Variants in AAK1 observed in about 807,000 individuals in gnomAD.
The protein encoded by AAK1 is AP2-associated protein kinase 1.
Under a neutral mutation model 116.0 loss-of-function variants are expected in AAK1, and 37 were observed. That is an observed-to-expected ratio of 0.32 (90% CI 0.25 to 0.42). AAK1 has a LOEUF of 0.42. AAK1 is among the 10% of genes least tolerant of loss of function. The pLI, the probability that AAK1 is intolerant of heterozygous loss-of-function variation, is 1.00. For missense variants in AAK1, 919 were observed against 1,170.6 expected, an observed-to-expected ratio of 0.79 and a Z score of 3.14; for synonymous variants, 458 against 439.9, an observed-to-expected ratio of 1.04 and a Z score of -0.51.
intron 3 of AAK1, among the ~76,000 whole-genome samples, chr2:69,548,949 C>T (rs1025347814): frequency 5.3e-5 from 8 of 152,158 alleles, no homozygotes; most frequent in Admixed American, 5.2e-4. Flanking sequence ...GGCCCTCAGC[C>T]AATCTACAGA....
chr2:69,476,049 C>G, intron 21 of AAK1, 86 bp from the exon 22 acceptor site: 2 of 1,461,282 alleles, frequency 1.4e-6, no homozygotes, highest in Non-Finnish European at 1.8e-6. Flanking sequence ...AAAAACCAAA[C>G]CAAAACCAAA....
In AAK1 at chr2:69,469,282, A is replaced by C. The variant is rs1279554375; in HGVS notation, c.*6587T>G. The C allele has an allele frequency of 1.0e-6, 1 of 985,318 alleles. No homozygotes were observed. Among genetic ancestry groups the C allele is most frequent in the Admixed American group, 6.2e-5 (1 of 16,254 alleles). 61.0% of individuals were successfully genotyped at this position (985,318 alleles called of 1,614,324 possible). ...GAAGCCCAGACCTCCACATTCCCTT[A>C]AGGAATTCTGGTGGTGGCAGCACCA... On this transcript the variant is annotated 3_prime_UTR_variant, in exon 22 of 22. Coordinates refer to ENST00000409085, the MANE Select transcript of AAK1 (RefSeq NM_014911.5).
intron 2 of AAK1, among the ~76,000 whole-genome samples, chr2:69,574,676 C>A (rs1394518326): frequency 2.0e-5 from 3 of 151,926 alleles, no homozygotes; most frequent in Non-Finnish European, 4.4e-5. Flanking sequence ...AAATATTGAA[C>A]ATTAAATGTA....
rs1670208410 is a variant in AAK1, at chr2:69,530,505, G to A, written c.738+120C>T. 10 of 750,930 alleles carry A rather than the reference G, an allele frequency of 1.3e-5. No homozygotes were observed. In the South Asian group the frequency reaches 2.0e-4, roughly 15 times the overall value. The allele number at this position is 750,930 out of a possible 1,614,324, so 46.5% of individuals were successfully genotyped here. On this transcript the variant is annotated intron_variant, in intron 7 of 21. Coordinates refer to ENST00000409085, the MANE Select transcript of AAK1 (RefSeq NM_014911.5). ...CTCACATCAAGAATAACCTTGAGGG[G>A]TAAGTAGACCATGATATGGTACAGT...
At chr2:69,481,136 A>T (rs1225227775) in intron 18 of AAK1, 175 bp from the exon 19 acceptor site, 3 of 522,974 alleles carry the variant, frequency 5.7e-6, no homozygotes, top group East Asian at 3.5e-5. Context: ...TCCTGTGGTT[A>T]CAAGTGTGAG....
At position 69,466,615 on chromosome 2, in the gene AAK1, T is replaced by C. The variant is rs57171084; in HGVS notation, c.*9254A>G. ...ATTCAACTCTATTTGGAACATTTAATGGTCAACCCGCGGCAAAAACATTGT... is the reference window on the plus strand; with the variant it reads ...ATTCAACTCTATTTGGAACATTTAACGGTCAACCCGCGGCAAAAACATTGT... On this transcript the variant is annotated 3_prime_UTR_variant, in exon 22 of 22. Transcript: ENST00000409085. The C allele has an allele frequency of 0.17, 187,067 of 1,099,494 alleles. 16,541 individuals are homozygous for C. Among genetic ancestry groups the C allele is most frequent in the Non-Finnish European group, 0.18 (160,892 of 894,226 alleles). The allele number at this position is 1,099,494 out of a possible 1,614,324, so 68.1% of individuals were successfully genotyped here. A position where few individuals can be genotyped will look rare whatever the true frequency, so the allele number is the denominator to read the frequency against.
intron 5 of AAK1, among the ~76,000 whole-genome samples, chr2:69,541,728 C>G (rs1402142638): frequency 6.6e-6 from 1 of 152,014 alleles, no homozygotes; most frequent in East Asian, 1.9e-4. Flanking sequence ...AATTTTGGCC[C>G]AAGAGATTCA....
At chr2:69,569,250 A>G (rs1288696034) in intron 2 of AAK1, among the ~76,000 whole-genome samples, 2 of 152,184 alleles carry the variant, frequency 1.3e-5, no homozygotes, top group Non-Finnish European at 2.9e-5. Context: ...TCAAACATAC[A>G]GTAAAGTTGA....
intron 3 of AAK1, among the ~76,000 whole-genome samples, chr2:69,553,171 T>C (rs1251581539): frequency 1.3e-5 from 2 of 151,980 alleles, no homozygotes; most frequent in African/African-American, 4.8e-5. Context: ...ACATAATAAA[T>C]AAATGCATAC....
chr2:69,501,720 C>T (rs2871962), intron 16 of AAK1, among the ~76,000 whole-genome samples: 27,962 of 152,164 alleles, frequency 0.18, 2,960 homozygotes, highest in African/African-American at 0.27. Flanking sequence ...CCTGTAATCC[C>T]AGCATTTGGG....
At chr2:69,551,214 G>A (rs529757223) in intron 3 of AAK1, among the ~76,000 whole-genome samples, 3 of 152,186 alleles carry the variant, frequency 2.0e-5, no homozygotes, top group South Asian at 2.1e-4. Flanking sequence ...GACACATAGC[G>A]GGTAACGACA....
At chr2:69,492,670 A>G (rs1382918033) in intron 17 of AAK1, among the ~76,000 whole-genome samples, 1 of 150,962 alleles carries the variant, frequency 6.6e-6, no homozygotes, top group Non-Finnish European at 1.5e-5. Context: ...GTACAGGCGC[A>G]TGCCACCACG....
At chr2:69,574,355 G>A (rs991796733) in intron 2 of AAK1, among the ~76,000 whole-genome samples, 1 of 144,752 alleles carries the variant, frequency 6.9e-6, no homozygotes, top group Non-Finnish European at 1.5e-5. Flanking sequence ...TTCAGACTAG[G>A]TGACAGAGTA....
At chr2:69,544,095 G>C (rs545235041) in intron 4 of AAK1, 3 of 204,290 alleles carry the variant, frequency 1.5e-5, no homozygotes, top group African/African-American at 4.6e-5. Context: ...AAGCTGCACT[G>C]TTTCTTTCAT....
intron 10 of AAK1, among the ~76,000 whole-genome samples, chr2:69,522,688 C>T (rs1162387071): frequency 4.6e-5 from 7 of 151,994 alleles, no homozygotes; most frequent in Non-Finnish European, 1.5e-5. Flanking sequence ...CCTGTAGTCC[C>T]AGCTACTCGG....
Position 69,507,640 on chromosome 2 carries a change from T to TCAA in AAK1, c.2007-65_2007-63dup, listed in dbSNP as rs1425341712. 2.9e-6 allele frequency: 4 copies of TCAA among 1,395,178 alleles called. No individual in the cohort carries two copies. In the African/African-American group the frequency reaches 5.8e-5, roughly 20 times the overall value. 86.4% of individuals were successfully genotyped at this position (1,395,178 alleles called of 1,614,324 possible). A position where few individuals can be genotyped will look rare whatever the true frequency, so the allele number is the denominator to read the frequency against. The stretch of plus-strand genomic sequence containing the variant: ...TAAAAGTTGAACAAAACAAAAAGGG[T>TCAA]CAACTTATTTTCTCTGTTTCAGAAT... On this transcript the variant is annotated intron_variant, in intron 14 of 21. Transcript: ENST00000409085.
At position 69,641,477 on chromosome 2, in the gene AAK1, C is replaced by G. The variant is rs550687635; in HGVS notation, c.163+1401G>C. On this transcript the variant is annotated intron_variant, in intron 2 of 21. Coordinates refer to ENST00000409085, the MANE Select transcript of AAK1 (RefSeq NM_014911.5). ...ATCCAAGGGGACAGTGACTCTGGCC[C>G]CAGATAAAGCGCAGCTAGAACAGTA... Among the ~76,000 whole-genome samples, 213 of 152,272 alleles carry G rather than the reference C, an allele frequency of 1.4e-3. 1 individual carries two copies. The highest frequency in any genetic ancestry group is 4.9e-3 in the African/African-American group (204 of 41,532).
chr2:69,643,613 C>T lies in AAK1; in HGVS notation c.-273G>A. On this transcript the variant is annotated 5_prime_UTR_variant, in exon 1 of 22. Transcript: ENST00000409085. ...GCGGCCGGCGCCCTGCTACCAGCCC[C>T]GCGACATTGTCACGGCCGCCGGGCC... 2 of 1,229,032 alleles carry T rather than the reference C, an allele frequency of 1.6e-6. No homozygotes were observed. Among genetic ancestry groups the T allele is most frequent in the Non-Finnish European group, 2.0e-6 (2 of 986,314 alleles). 76.1% of individuals were successfully genotyped at this position (1,229,032 alleles called of 1,614,324 possible).
chr2:69,521,060 T>C (rs887838547), intron 10 of AAK1, 72 bp from the exon 11 acceptor site: 2 of 1,529,834 alleles, frequency 1.3e-6, no homozygotes, highest in African/African-American at 2.7e-5. Context: ...GAGGACACAA[T>C]GCTTCCGCTT....
Sources: allele counts gnomAD v4.1 joint callset (sites outside exome capture counted in the v4.1 genomes callset), GRCh38; gene constraint gnomAD v4.1.1; transcripts MANE v1.5; gene names NCBI Gene and HGNC (gene_info 2026-07-23, HGNC 2026-07-21).